The following SLC6A18 variants were observed in gnomAD, a reference collection of about 807,000 sequenced individuals.
SLC6A18 encodes the protein inactive sodium-dependent neutral amino acid transporter B(0)AT3.
SLC6A18 carries 58 observed loss-of-function variants against 62.9 expected under a neutral mutation model. The ratio of observed to expected loss-of-function variants is 0.92; its 90% CI spans 0.75 to 1.15. SLC6A18 has a LOEUF of 1.15. Among genes scored for constraint, SLC6A18 ranks in the 50% most tolerant of loss-of-function variants. The probability of loss-of-function intolerance (pLI) is 0.00; values close to 1 mark genes in which losing one functional copy is unlikely to be tolerated. For missense variants in SLC6A18, 793 were observed against 836.6 expected, an observed-to-expected ratio of 0.95 and a Z score of 0.64; for synonymous variants, 382 against 365.8, an observed-to-expected ratio of 1.04 and a Z score of -0.51.
Position 1,242,811 on chromosome 5 carries a change from G to T in SLC6A18, c.1079G>T (p.Arg360Met). 1 of 1,613,836 alleles carries T rather than the reference G, an allele frequency of 6.2e-7. No individual in the cohort carries two copies. Among genetic ancestry groups the T allele is most frequent in the Non-Finnish European group, 8.5e-7 (1 of 1,179,828 alleles). The change falls in exon 8 of 12, where the codon AGG becomes ATG. Residue 360 changes from arginine to methionine, a missense_variant. Arg to Met is a moderately conservative substitution (Grantham distance 91). Coordinates refer to ENST00000324642, the MANE Select transcript of SLC6A18 (RefSeq NM_182632.3). ...CACCTGAACGCCACCTGGCCCAAGA[G>T]GGTGGCCCAGCTCCCCCTGAAGGCC... is the stretch of plus-strand genomic sequence containing the variant. ...LMHLNATWPK[R>M]VAQLPLKACL...
intron 1 of SLC6A18, among the ~76,000 whole-genome samples, chr5:1,228,227 G>A (rs983299529): frequency 6.6e-6 from 1 of 152,160 alleles, no homozygotes; most frequent in South Asian, 2.1e-4. Flanking sequence ...TTGGCCCTGT[G>A]CTGCTTTCTA....
rs923449085 is a variant in SLC6A18, at chr5:1,243,197, C to A, written c.1131+334C>A. 2.6e-5 allele frequency among the ~76,000 whole-genome samples: 4 copies of A among 152,308 alleles called. No homozygotes were observed. In the East Asian group the frequency reaches 7.7e-4, roughly 29 times the overall value. ...TGCCAGGGCATGGCTGGGGTCAAGCCACACTCAGGGCCAGTGTATGCCTGG... is the reference window on the plus strand; with the variant it reads ...TGCCAGGGCATGGCTGGGGTCAAGCAACACTCAGGGCCAGTGTATGCCTGG... On this transcript the variant is annotated intron_variant, in intron 8 of 11. Transcript: ENST00000324642. The surrounding 1 kb of genome is among the most constrained non-coding windows in gnomAD (Gnocchi z 6.5).
chr5:1,246,075 C>T lies in SLC6A18; in HGVS notation c.1884C>T (p.Arg628=). The change falls in exon 12 of 12, where the codon CGC becomes CGT. Residue 628 remains arginine (R), a synonymous_variant. Transcript: ENST00000324642. ...ACATGCGCCCGGACACGGACATGCGCTGAAGCCGGCCGGAGCGGGGCCTGC... is the reference window on the plus strand; with the variant it reads ...ACATGCGCCCGGACACGGACATGCGTTGAAGCCGGCCGGAGCGGGGCCTGC... The part of the protein sequence containing the change: ...DTDMRPDTDM[R] 19 of 1,573,386 alleles carry T rather than the reference C, an allele frequency of 1.2e-5. No homozygotes were observed. Among genetic ancestry groups the T allele is most frequent in the Non-Finnish European group, 1.6e-5 (19 of 1,165,628 alleles).
chr5:1,231,100 C>T (rs1175472149), intron 1 of SLC6A18, among the ~76,000 whole-genome samples: 2 of 152,186 alleles, frequency 1.3e-5, no homozygotes, highest in South Asian at 2.1e-4. Context: ...TTGCAGGAAT[C>T]GATCATGCCC....
intron 4 of SLC6A18, among the ~76,000 whole-genome samples, chr5:1,237,231 A>G (rs531666307): frequency 1.1e-3 from 133 of 118,058 alleles, no homozygotes; most frequent in Non-Finnish European, 1.7e-3. Context: ...AGAGAGCAAG[A>G]CTCTGTCTCA....
Position 1,232,352 on chromosome 5 carries a change from T to C in SLC6A18, c.294T>C (p.Ser98=). The change falls in exon 2 of 12, where the codon AGT becomes AGC. Residue 98 remains serine (S), a synonymous_variant. Coordinates refer to ENST00000324642, the MANE Select transcript of SLC6A18 (RefSeq NM_182632.3). ...GVWTAISPYL[S]GVGLGCVTLS... is the part of the protein sequence containing the mutation. ...GGACGGCCATCTCCCCGTACCTCAG[T>C]GGAGTAGGTAGGCCACCGTCCTCGC... 1.2e-6 allele frequency: 2 copies of C among 1,610,208 alleles called. No homozygotes were observed. The highest frequency in any genetic ancestry group is 1.7e-6 in the Non-Finnish European group (2 of 1,179,206).
rs1746747117 is a variant in SLC6A18 at position 1,232,200 on chromosome 5, G to A, written c.161-19G>A. Reference sequence around the variant, plus strand: ...CAGCCCCCGACCCTGGGCAGGTGCTGACCACCCCCTCCTCACAGGGGCCTT... The same window carrying A: ...CAGCCCCCGACCCTGGGCAGGTGCTAACCACCCCCTCCTCACAGGGGCCTT... On this transcript the variant is annotated intron_variant, in intron 1 of 11. Coordinates refer to ENST00000324642, the MANE Select transcript of SLC6A18 (RefSeq NM_182632.3). 2 of 1,604,908 alleles carry A rather than the reference G, an allele frequency of 1.2e-6. No homozygotes were observed. The highest frequency in any genetic ancestry group is 2.2e-5 in the South Asian group (2 of 89,916).
chr5:1,244,454 C>A (rs1365656432), intron 10 of SLC6A18, 81 bp downstream of exon 10: 7 of 1,577,566 alleles, frequency 4.4e-6, no homozygotes, highest in Middle Eastern at 1.7e-4. Context: ...AGGTTCAACC[C>A]GCAGCTGCCC....
At chr5:1,227,662 T>C (rs1031557002) in intron 1 of SLC6A18, among the ~76,000 whole-genome samples, 1 of 152,268 alleles carries the variant, frequency 6.6e-6, no homozygotes, top group Non-Finnish European at 1.5e-5. Context: ...ACTACATAAA[T>C]GTTCTCTTCA....
At chr5:1,228,542 G>A (rs969449296) in intron 1 of SLC6A18, among the ~76,000 whole-genome samples, 3 of 152,142 alleles carry the variant, frequency 2.0e-5, no homozygotes, top group East Asian at 3.8e-4. Flanking sequence ...GGTTTCTCTC[G>A]ATCCTGCGTG....
intron 1 of SLC6A18, among the ~76,000 whole-genome samples, chr5:1,227,890 A>G (rs1746622463): frequency 6.6e-6 from 1 of 152,166 alleles, no homozygotes; most frequent in African/African-American, 2.4e-5. Context: ...TAAGGTTTCA[A>G]CCCAGGAAGC....
intron 3 of SLC6A18, 54 bp from the exon 4 acceptor site, chr5:1,235,427 T>C (rs1746856604): frequency 1.9e-6 from 3 of 1,573,856 alleles, no homozygotes; most frequent in East Asian, 2.3e-5. Flanking sequence ...AAGAGCCACA[T>C]GGTGAGGGTG....
intron 3 of SLC6A18, 148 bp downstream of exon 3, chr5:1,233,036 C>T (rs915386939): frequency 2.5e-5 from 30 of 1,183,018 alleles, no homozygotes; most frequent in Non-Finnish European, 2.9e-5. Flanking sequence ...TGCACATGCA[C>T]GCGCCTCGGT....
intron 7 of SLC6A18, 84 bp from the exon 8 acceptor site, chr5:1,242,623 G>A: frequency 1.3e-6 from 2 of 1,516,968 alleles, no homozygotes; most frequent in Non-Finnish European, 1.8e-6. Context: ...CAGGGATGCT[G>A]TGCTTCGCAG....
Position 1,235,652 on chromosome 5 carries a change from C to T in SLC6A18, c.611C>T (p.Thr204Ile), listed in dbSNP as rs746256524. The T allele has an allele frequency of 1.2e-6, 2 of 1,613,808 alleles. No individual in the cohort carries two copies. Among genetic ancestry groups the T allele is most frequent in the Non-Finnish European group, 8.5e-7 (1 of 1,179,938 alleles). Reference sequence around the variant, plus strand: ...ATGTGTGTCATCAGGGGCATTGAGACTACAGGGAAGGTGAGAGCTGGCAGG... The same window carrying T: ...ATGTGTGTCATCAGGGGCATTGAGATTACAGGGAAGGTGAGAGCTGGCAGG... ...VYMCVIRGIE[T>I]TGKVIYFTAL... Residue 204 changes from threonine (T) to isoleucine (I), a missense_variant, in exon 4 of 12, where the codon ACT (threonine) becomes ATT (isoleucine). By Grantham distance (89) the Thr-to-Ile change is moderately conservative (BLOSUM62 -1). Transcript: ENST00000324642.
At chr5:1,232,157 C>G in intron 1 of SLC6A18, 62 bp from the exon 2 acceptor site, 5 of 1,517,178 alleles carry the variant, frequency 3.3e-6, no homozygotes, top group Non-Finnish European at 4.5e-6. Flanking sequence ...TCCCCCTGGC[C>G]CACGCCACAG....
rs1747096530 is a variant in SLC6A18, at chr5:1,242,726, A to G, written c.994A>G (p.Asn332Asp). ...CCGCAGAAACATCCTCAGCCTCATC[A>G]ACGACTTTGACTTCCCAGAGCAGAG... ...CLDRNILSLI[N>D]DFDFPEQSIS... is the part of the protein sequence containing the mutation. The change falls in exon 8 of 12, where the codon AAC becomes GAC. Residue 332 changes from asparagine to aspartate, a missense_variant. By Grantham distance (23) the Asn-to-Asp change is conservative. Coordinates refer to ENST00000324642, the MANE Select transcript of SLC6A18 (RefSeq NM_182632.3). 1.9e-6 allele frequency: 3 copies of G among 1,611,722 alleles called. No individual in the cohort carries two copies. The highest frequency in any genetic ancestry group is 1.1e-5 in the South Asian group (1 of 90,882).
In SLC6A18 at chr5:1,240,561, C is replaced by A. The variant is rs777019163; in HGVS notation, c.876C>A (p.Ile292=). Residue 292 remains isoleucine, a synonymous_variant, in exon 7 of 12, where the codon ATC becomes ATA. Transcript: ENST00000324642. ...RNDCQKDAVV[I]ALVNRMTSLY... ...ACTGCCAGAAGGATGCGGTGGTCAT[C>A]GCCCTGGTCAACAGGATGACCTCCC... 6.2e-7 allele frequency: 1 copy of A among 1,614,116 alleles called. No individual in the cohort carries two copies. The highest frequency in any genetic ancestry group is 8.5e-7 in the Non-Finnish European group (1 of 1,180,020).
intron 1 of SLC6A18, among the ~76,000 whole-genome samples, chr5:1,225,922 AG>A (rs1482938302): frequency 6.6e-6 from 1 of 152,230 alleles, no homozygotes; most frequent in Non-Finnish European, 1.5e-5. Flanking sequence ...GCCAGGCGTC[AG>A]GTTGAATGGG....
Sources: gnomAD v4.1 joint callset for allele counts (sites outside exome capture counted in the v4.1 genomes callset) on GRCh38, gnomAD v4.1.1 for gene constraint, Gnocchi (gnomAD v3.1) non-coding constraint, MANE v1.5 for transcripts, NCBI Gene and HGNC (gene_info 2026-07-23, HGNC 2026-07-21) for gene names.